The following FAIM variants were observed in gnomAD, a reference collection of about 807,000 sequenced individuals.
The protein encoded by FAIM is Fas apoptotic inhibitory molecule, also known as fas apoptotic inhibitory molecule 1.
FAIM carries 14 observed loss-of-function variants against 21.2 expected under a neutral mutation model. The ratio of observed to expected loss-of-function variants is 0.66; its 90% CI spans 0.44 to 1.03. The LOEUF (loss-of-function observed/expected upper bound fraction) is 1.03, where lower values mean the gene tolerates loss of function less well. Among genes scored for constraint, FAIM ranks in the 50% least tolerant of loss-of-function variants. The pLI, the probability that FAIM is intolerant of heterozygous loss-of-function variation, is 0.00. For missense variants in FAIM, 222 were observed against 247.1 expected (o/e 0.90, Z 0.68); for synonymous variants, 86 against 80.4 (o/e 1.07, Z -0.37).
chr3:138,629,723 C>T (rs1212657503), intron 5 of FAIM: 1 of 152,018 alleles, frequency 6.6e-6, no homozygotes, highest in Non-Finnish European at 1.5e-5. Context: ...CGAAGGTAGA[C>T]GAACAGGAAA....
At chr3:138,611,393 A>G (rs1185786310) in intron 1 of FAIM, among the ~76,000 whole-genome samples, 1 of 152,192 alleles carries the variant, frequency 6.6e-6, no homozygotes, top group Non-Finnish European at 1.5e-5. Context: ...TAAAATATAT[A>G]CAACATAGAT....
chr3:138,629,156 G>A lies in FAIM; in HGVS notation c.456G>A (p.Ala152=), dbSNP rs150321985. ...GCAATGGTAAAAAATTGGAGACAGC[G>A]GTAAGTTGACTATTTGATGACTCTA... ...VWCNGKKLET[A]GEFVDDGTET... is the part of the protein sequence containing the mutation. The change falls in exon 5 of 6, where the codon GCG becomes GCA. Residue 152 remains alanine, a splice_region_variant and synonymous_variant. Transcript: ENST00000360570. The A allele has an allele frequency of 5.8e-5, 94 of 1,609,548 alleles. No individual in the cohort carries two copies. In the African/African-American group the frequency reaches 6.7e-4, roughly 11 times the overall value.
intron 3 of FAIM, among the ~76,000 whole-genome samples, chr3:138,621,936 T>C (rs750853794): frequency 2.0e-5 from 3 of 152,018 alleles, no homozygotes; most frequent in Non-Finnish European, 4.4e-5. Flanking sequence ...GCACCTGCCA[T>C]TACGCCCTGC....
At chr3:138,614,608 A>G (rs2042807003) in intron 1 of FAIM, among the ~76,000 whole-genome samples, 1 of 152,204 alleles carries the variant, frequency 6.6e-6, no homozygotes, top group Non-Finnish European at 1.5e-5. Context: ...CAAATAGAGC[A>G]TAGCTGCTGC....
chr3:138,613,896 C>T (rs576835797), intron 1 of FAIM, among the ~76,000 whole-genome samples: 1 of 152,296 alleles, frequency 6.6e-6, no homozygotes, highest in African/African-American at 2.4e-5. Context: ...GGATTTACCT[C>T]TATGTTTTCT....
chr3:138,613,692 C>T (rs2042795717), intron 1 of FAIM, among the ~76,000 whole-genome samples: 1 of 152,074 alleles, frequency 6.6e-6, no homozygotes, highest in Admixed American at 6.6e-5. Context: ...CCTATGTTGC[C>T]CAGGCTGGTC....
At chr3:138,610,941 A>G (rs751328940) in intron 1 of FAIM, 1 of 1,609,314 alleles carries the variant, frequency 6.2e-7, no homozygotes, top group Admixed American at 1.7e-5. Flanking sequence ...CCCTTCCTCT[A>G]TGGCCCATTC....
intron 2 of FAIM, among the ~76,000 whole-genome samples, chr3:138,620,866 T>G (rs1452286473): frequency 6.6e-6 from 1 of 152,206 alleles, no homozygotes; most frequent in African/African-American, 2.4e-5. Context: ...AAAAATTATT[T>G]TTATCTTTAT....
chr3:138,616,884 T>C (rs1189797245), intron 1 of FAIM, among the ~76,000 whole-genome samples: 2 of 152,226 alleles, frequency 1.3e-5, no homozygotes, highest in African/African-American at 4.8e-5. Flanking sequence ...TATATAGTTA[T>C]ATAAGTAGAA....
intron 5 of FAIM, among the ~76,000 whole-genome samples, chr3:138,631,952 G>C (rs368135511): frequency 5.1e-4 from 78 of 152,078 alleles, no homozygotes; most frequent in African/African-American, 1.9e-3. Flanking sequence ...TTTGTTAACT[G>C]GGGGGCCTTG....
chr3:138,609,058 G>GC (rs1232449048), intron 1 of FAIM, 121 bp downstream of exon 1: 2 of 153,046 alleles, frequency 1.3e-5, no homozygotes, highest in African/African-American at 4.8e-5. Flanking sequence ...CACGCTCTCG[G>GC]CCCTGCTGCG....
At chr3:138,609,584 T>TCCCTCTCTCC (rs1560491020) in intron 1 of FAIM, among the ~76,000 whole-genome samples, 1 of 24,816 alleles carries the variant, frequency 4.0e-5, no homozygotes, top group African/African-American at 1.3e-4. Context: ...CTCGACTCTC[T>TCCCTCTCTCC]CTCTCTCGAC....
intron 4 of FAIM, among the ~76,000 whole-genome samples, chr3:138,628,855 A>G (rs1417592266): frequency 3.9e-5 from 6 of 152,204 alleles, no homozygotes; most frequent in East Asian, 1.9e-4. Flanking sequence ...ATTTGTATTA[A>G]GACCATAACT....
At position 138,629,013 on chromosome 3, in the gene FAIM, A is replaced by G. The variant is rs114838142; in HGVS notation, c.407-94A>G. The G allele has an allele frequency of 1.5e-3, 1,344 of 897,620 alleles. 11 individuals carry two copies. The African/African-American group carries it at 0.022, about 15-fold the overall frequency. The allele number at this position is 897,620 out of a possible 1,614,324, so 55.6% of individuals were successfully genotyped here. A position where few individuals can be genotyped will look rare whatever the true frequency, so the allele number is the denominator to read the frequency against. On this transcript the variant is annotated intron_variant, in intron 4 of 5. Transcript: ENST00000360570. ...ATTAATGGAGTTTTAGAGATCTGGT[A>G]TATCAATCCTTTCCTAAAGTAATAA...
At chr3:138,612,738 G>A (rs1031281869) in intron 1 of FAIM, among the ~76,000 whole-genome samples, 6 of 152,108 alleles carry the variant, frequency 3.9e-5, no homozygotes, top group African/African-American at 1.2e-4. Flanking sequence ...CTCTGTTTAG[G>A]TTTTGAGGAA....
At chr3:138,627,048 A>C (rs1225122317) in intron 4 of FAIM, among the ~76,000 whole-genome samples, 1 of 151,730 alleles carries the variant, frequency 6.6e-6, no homozygotes, top group Non-Finnish European at 1.5e-5. Flanking sequence ...TTGATTTCTC[A>C]TAGTCTTCAC....
At chr3:138,610,984 C>T in intron 1 of FAIM, 1 of 1,613,850 alleles carries the variant, frequency 6.2e-7, no homozygotes, top group South Asian at 1.1e-5. Context: ...TAAGGACACT[C>T]CCACTGTTGT....
intron 2 of FAIM, among the ~76,000 whole-genome samples, chr3:138,620,320 G>T (rs940280723): frequency 6.6e-6 from 1 of 152,094 alleles, no homozygotes; most frequent in African/African-American, 2.4e-5. Flanking sequence ...TCACTTAATA[G>T]CTGTTAGCTA....
chr3:138,610,407 G>C (rs923091779), intron 1 of FAIM, among the ~76,000 whole-genome samples: 5 of 152,164 alleles, frequency 3.3e-5, no homozygotes, highest in Admixed American at 1.3e-4. Context: ...ATCTCCATCA[G>C]TGAAAGTAAG....
Sources: gnomAD v4.1 joint callset for allele counts (sites outside exome capture counted in the v4.1 genomes callset) on GRCh38, gnomAD v4.1.1 for gene constraint, MANE v1.5 for transcripts, NCBI Gene and HGNC (gene_info 2026-07-23, HGNC 2026-07-21) for gene names.